The following PKIA variants were observed in gnomAD, a reference collection of about 807,000 sequenced individuals.
PKIA encodes the protein PKI-alpha.
Under a neutral mutation model 7.6 loss-of-function variants are expected in PKIA, and 4 were observed. The observed-to-expected ratio is 0.52, with a 90% CI of 0.26 to 1.20. The LOEUF (loss-of-function observed/expected upper bound fraction) is 1.20. PKIA is among the 50% of genes most tolerant of loss of function. The pLI is 0.13. For synonymous variants in PKIA, 21 were observed against 30.7 expected, an observed-to-expected ratio of 0.68 and a Z score of 1.04; for missense variants, 73 against 86.2, an observed-to-expected ratio of 0.85 and a Z score of 0.61.
At chr8:78,552,477 GC>G (rs1330314996) in intron 1 of PKIA, among the ~76,000 whole-genome samples, 1 of 151,812 alleles carries the variant, frequency 6.6e-6, no homozygotes. Flanking sequence ...AGTCTGTATA[GC>G]CTCTTAGACA....
chr8:78,520,212 T>C (rs1809390836), intron 1 of PKIA, among the ~76,000 whole-genome samples: 2 of 152,208 alleles, frequency 1.3e-5, no homozygotes, highest in African/African-American at 4.8e-5. Flanking sequence ...TCTCAATATA[T>C]GTGCAAATGC....
intron 1 of PKIA, among the ~76,000 whole-genome samples, chr8:78,559,361 G>A (rs1462831769): frequency 6.6e-6 from 1 of 152,174 alleles, no homozygotes; most frequent in African/African-American, 2.4e-5. Flanking sequence ...AGACATTAAG[G>A]AGAGAAGGGA....
intron 1 of PKIA, among the ~76,000 whole-genome samples, chr8:78,523,678 T>C (rs1021163088): frequency 3.6e-4 from 55 of 151,810 alleles, no homozygotes; most frequent in African/African-American, 1.2e-3. Flanking sequence ...AGACCCCTTT[T>C]CCATTTCCAA....
At chr8:78,554,580 G>A (rs1807079784) in intron 1 of PKIA, among the ~76,000 whole-genome samples, 1 of 151,948 alleles carries the variant, frequency 6.6e-6, no homozygotes, top group Non-Finnish European at 1.5e-5. Flanking sequence ...TTCAGATGTG[G>A]CCTGTTAGAA....
At chr8:78,579,104 T>C (rs1807745005) in intron 2 of PKIA, among the ~76,000 whole-genome samples, 1 of 152,008 alleles carries the variant, frequency 6.6e-6, no homozygotes. Context: ...TAAGAAACTC[T>C]TTCCACCTCT....
In PKIA at chr8:78,602,691, CATAATAT is replaced by C. The variant is rs983475174; in HGVS notation, c.*874_*880del. ...ATTCTCAAGTGGAGAACTTCTCCCACATAATATATATATATATATATATTTTAATTTA... is the reference window on the plus strand; with the variant it reads ...ATTCTCAAGTGGAGAACTTCTCCCACATATATATATATATATTTTAATTTA... On this transcript the variant is annotated 3_prime_UTR_variant, in exon 4 of 4. Transcript: ENST00000396418. 14 of 126,614 alleles carry C rather than the reference CATAATAT, an allele frequency of 1.1e-4. No homozygotes were observed. The highest frequency in any genetic ancestry group is 4.5e-4 in the African/African-American group (14 of 30,984). 7.8% of individuals were successfully genotyped at this position (126,614 alleles called of 1,614,324 possible).
chr8:78,589,695 A>T (rs566115635), intron 2 of PKIA, among the ~76,000 whole-genome samples: 8 of 152,312 alleles, frequency 5.3e-5, no homozygotes, highest in Non-Finnish European at 7.3e-5. Flanking sequence ...ACACACTCAC[A>T]ATTAGTATTT....
chr8:78,576,439 T>C (rs1807675122), intron 2 of PKIA, among the ~76,000 whole-genome samples: 1 of 152,038 alleles, frequency 6.6e-6, no homozygotes, highest in Non-Finnish European at 1.5e-5. Flanking sequence ...GTCGATTTTC[T>C]TAACAAAGAA....
chr8:78,548,448 G>C (rs1186601914), intron 1 of PKIA, among the ~76,000 whole-genome samples: 4 of 152,060 alleles, frequency 2.6e-5, no homozygotes, highest in Non-Finnish European at 5.9e-5. Flanking sequence ...GAGTATTACA[G>C]GATCTTTGCA....
chr8:78,542,219 G>C (rs903475028), intron 1 of PKIA, among the ~76,000 whole-genome samples: 8 of 151,984 alleles, frequency 5.3e-5, no homozygotes, highest in Non-Finnish European at 1.0e-4. Flanking sequence ...CTTTGTTTTT[G>C]CTTCTACTAC....
chr8:78,524,723 T>C lies in PKIA; in HGVS notation c.-157+8255T>C, dbSNP rs552797961. On this transcript the variant is annotated intron_variant, in intron 1 of 3. Coordinates refer to ENST00000396418, the MANE Select transcript of PKIA (RefSeq NM_006823.4). ...CAAAGCAAAGCATGAAAAAGTAGCATTTGATATATTTTATCAATGTTAAGA... is the reference window on the plus strand; with the variant it reads ...CAAAGCAAAGCATGAAAAAGTAGCACTTGATATATTTTATCAATGTTAAGA... 7.2e-5 allele frequency among the ~76,000 whole-genome samples: 11 copies of C among 152,028 alleles called. No individual in the cohort carries two copies. In the South Asian group the frequency reaches 2.1e-3, roughly 29 times the overall value.
At chr8:78,579,428 T>G (rs1807755370) in intron 2 of PKIA, among the ~76,000 whole-genome samples, 1 of 151,978 alleles carries the variant, frequency 6.6e-6, no homozygotes, top group Admixed American at 6.6e-5. Context: ...CATTTACCAC[T>G]TTCCCCCTCA....
intron 1 of PKIA, among the ~76,000 whole-genome samples, chr8:78,530,841 A>C (rs1054349149): frequency 2.0e-5 from 3 of 152,098 alleles, no homozygotes; most frequent in Non-Finnish European, 2.9e-5. Flanking sequence ...TGAAATTCAC[A>C]GAATTCTCTC....
In PKIA at chr8:78,549,932, C is replaced by T. The variant is rs575002976; in HGVS notation, c.-156-22879C>T. On this transcript the variant is annotated intron_variant, in intron 1 of 3. Coordinates refer to ENST00000396418, the MANE Select transcript of PKIA (RefSeq NM_006823.4). ...GTTTAGAGCCATTGTAAATAGTTTCCTCTAGACCGTAATACAATGAGTTTA... is the reference window on the plus strand; with the variant it reads ...GTTTAGAGCCATTGTAAATAGTTTCTTCTAGACCGTAATACAATGAGTTTA... Among the ~76,000 whole-genome samples the T allele has an allele frequency of 2.1e-3, 326 of 152,042 alleles. 1 individual carries two copies. Among genetic ancestry groups the T allele is most frequent in the Non-Finnish European group, 3.7e-3 (250 of 67,954 alleles).
chr8:78,522,419 T>G (rs1809433199), intron 1 of PKIA, among the ~76,000 whole-genome samples: 1 of 152,038 alleles, frequency 6.6e-6, no homozygotes, highest in African/African-American at 2.4e-5. Context: ...CAGATATTTA[T>G]AGTTTGAGTA....
rs1339141817 is a variant in PKIA at position 78,604,056 on chromosome 8, A to C, written c.*2235A>C. The C allele has an allele frequency of 6.6e-6, 1 of 151,962 alleles. No homozygotes were observed. 9.4% of individuals were successfully genotyped at this position (151,962 alleles called of 1,614,324 possible). Reference sequence around the variant, plus strand: ...TAATTTTCTAAAATGTCCACATCCTATACATTTTGCTTATTCATGGCATCT... The same window carrying C: ...TAATTTTCTAAAATGTCCACATCCTCTACATTTTGCTTATTCATGGCATCT... On this transcript the variant is annotated 3_prime_UTR_variant, in exon 4 of 4. Coordinates refer to ENST00000396418, the MANE Select transcript of PKIA (RefSeq NM_006823.4).
intron 1 of PKIA, among the ~76,000 whole-genome samples, chr8:78,531,144 A>C (rs1464446211): frequency 6.6e-6 from 1 of 152,086 alleles, no homozygotes; most frequent in Non-Finnish European, 1.5e-5. Context: ...TTTCTGTATG[A>C]ATTTTCAGCG....
chr8:78,591,365 C>T (rs1303203719), intron 2 of PKIA: 1 of 152,530 alleles, frequency 6.6e-6, no homozygotes, highest in Non-Finnish European at 1.5e-5. Context: ...GCTTCATTCT[C>T]TCAAATAATT....
intron 1 of PKIA, among the ~76,000 whole-genome samples, chr8:78,530,940 G>T (rs116951748): frequency 0.023 from 3,575 of 152,128 alleles, 64 homozygotes; most frequent in Non-Finnish European, 0.036. Context: ...TGTAAGATCT[G>T]CCTTAGTTTG....
Sources: gnomAD v4.1 joint callset for allele counts (sites outside exome capture counted in the v4.1 genomes callset) on GRCh38, gnomAD v4.1.1 for gene constraint, MANE v1.5 for transcripts, NCBI Gene and HGNC (gene_info 2026-07-23, HGNC 2026-07-21) for gene names.